The following CACNG6 variants were observed in gnomAD, a reference collection of about 807,000 sequenced individuals.
The protein encoded by CACNG6 is calcium voltage-gated channel auxiliary subunit gamma 6, also known as voltage-dependent calcium channel gamma-6 subunit.
In CACNG6, 21 loss-of-function variants were observed where a neutral mutation model predicts 23.9. The observed-to-expected ratio is 0.88, with a 90% CI of 0.62 to 1.26. The LOEUF (loss-of-function observed/expected upper bound fraction) is 1.26. Ranked by LOEUF, CACNG6 falls within the 50% of genes most tolerant of loss-of-function variation. The pLI is 0.00. For synonymous variants in CACNG6, 182 were observed against 168.9 expected, an observed-to-expected ratio of 1.08 and a Z score of -0.60; for missense variants, 340 against 352.9, an observed-to-expected ratio of 0.96 and a Z score of 0.29.
intron 1 of CACNG6, 84 bp downstream of exon 1, chr19:53,993,292 C>A: frequency 7.3e-7 from 1 of 1,364,716 alleles, no homozygotes; most frequent in Non-Finnish European, 9.7e-7. Flanking sequence ...GAAAACCCGC[C>A]CCAGGGACAA....
intron 3 of CACNG6, among the ~76,000 whole-genome samples, chr19:54,007,201 A>C (rs2069657308): frequency 6.6e-6 from 1 of 152,066 alleles, no homozygotes; most frequent in Non-Finnish European, 1.5e-5. Context: ...CGCATGCACC[A>C]CCACGCCTGG....
At chr19:53,999,112 C>T (rs972049659) in intron 2 of CACNG6, among the ~76,000 whole-genome samples, 1 of 152,120 alleles carries the variant, frequency 6.6e-6, no homozygotes, top group Non-Finnish European at 1.5e-5. Context: ...GTGATCCACC[C>T]ACCTTGGCCT....
At position 54,011,903 on chromosome 19, in the gene CACNG6, C is replaced by G. The variant is rs770260770; in HGVS notation, c.545-48C>G. 2.2e-6 allele frequency: 3 copies of G among 1,336,820 alleles called. No homozygotes were observed. The African/African-American group carries it at 4.5e-5, about 20-fold the overall frequency. The allele number at this position is 1,336,820 out of a possible 1,614,324, so 82.8% of individuals were successfully genotyped here. A position where few individuals can be genotyped will look rare whatever the true frequency, so the allele number is the denominator to read the frequency against. On this transcript the variant is annotated intron_variant, in intron 3 of 3. Transcript: ENST00000252729. ...AGCGGATGGCGGAGATGTTCAGACACAGCTGGGGTCGCGGGCGTCTGACTG... is the reference window on the plus strand; with the variant it reads ...AGCGGATGGCGGAGATGTTCAGACAGAGCTGGGGTCGCGGGCGTCTGACTG...
intron 3 of CACNG6, among the ~76,000 whole-genome samples, chr19:54,002,032 CCTT>C (rs765691394): frequency 6.6e-6 from 1 of 152,036 alleles, no homozygotes; most frequent in Non-Finnish European, 1.5e-5. Context: ...TCAGTTTCCT[CCTT>C]CTCTCCCCTT....
At chr19:54,010,333 A>G (rs1354986492) in intron 3 of CACNG6, among the ~76,000 whole-genome samples, 1 of 151,888 alleles carries the variant, frequency 6.6e-6, no homozygotes, top group Non-Finnish European at 1.5e-5. Flanking sequence ...TATTTTTAGT[A>G]GAGATGGGAT....
intron 3 of CACNG6, among the ~76,000 whole-genome samples, chr19:54,007,979 C>T (rs1388740108): frequency 1.3e-5 from 2 of 152,006 alleles, no homozygotes; most frequent in African/African-American, 2.4e-5. Context: ...TTCCACCTCC[C>T]GTTCTGTAAT....
intron 3 of CACNG6, among the ~76,000 whole-genome samples, chr19:54,002,284 G>GTTTTTTTTTTTTTTTTTT (rs139176353): frequency 4.3e-5 from 5 of 117,422 alleles, no homozygotes; most frequent in Admixed American, 1.8e-4. Context: ...TGTTTTTTTT[G>GTTTTTTTTTTTTTTTTTT]TTTTTTTTTT....
intron 3 of CACNG6, among the ~76,000 whole-genome samples, chr19:54,004,223 C>T (rs372347880): frequency 6.6e-6 from 1 of 151,874 alleles, no homozygotes; most frequent in Admixed American, 6.6e-5. Flanking sequence ...TGCAATGGCA[C>T]GATCTCGACT....
Position 53,992,645 on chromosome 19 carries a change from T to C in CACNG6, c.-233T>C, listed in dbSNP as rs1021585566. On this transcript the variant is annotated 5_prime_UTR_variant, in exon 1 of 4. Coordinates refer to ENST00000252729, the MANE Select transcript of CACNG6 (RefSeq NM_145814.2). This position sits in a 1 kb window ranked among gnomAD's most constrained non-coding sequence, Gnocchi z 4.1. The stretch of plus-strand genomic sequence containing the variant: ...CTTGAGGGCAACCTAGACCCTCCTC[T>C]GAACCCCAGAGGCTTCCCCAGCCCT... The C allele has an allele frequency of 3.3e-4, 116 of 348,070 alleles. 1 individual carries two copies. Among genetic ancestry groups the C allele is most frequent in the Middle Eastern group, 3.0e-3 (4 of 1,350 alleles). 21.6% of individuals were successfully genotyped at this position (348,070 alleles called of 1,614,324 possible).
intron 3 of CACNG6, among the ~76,000 whole-genome samples, chr19:54,011,221 T>TACACAC (rs373872212): frequency 0.23 from 23,378 of 99,558 alleles, 3,413 homozygotes; most frequent in Middle Eastern, 0.34. Flanking sequence ...TATATATATA[T>TACACAC]ATATATACAC....
rs150159351 is a variant in CACNG6, at chr19:54,006,734, T to C, written c.545-5217T>C. On this transcript the variant is annotated intron_variant, in intron 3 of 3. Coordinates refer to ENST00000252729, the MANE Select transcript of CACNG6 (RefSeq NM_145814.2). The stretch of plus-strand genomic sequence containing the variant: ...TTTTTTAGTAGAGAGGGGGTTTCTC[T>C]ATGTTGGCCAGGCTGGTCTCGAACT... 0.013 allele frequency among the ~76,000 whole-genome samples: 2,047 copies of C among 151,916 alleles called. 76 individuals carry two copies. The East Asian group carries it at 0.14, about 11-fold the overall frequency.
At chr19:54,007,856 C>T (rs931345068) in intron 3 of CACNG6, among the ~76,000 whole-genome samples, 5 of 150,214 alleles carry the variant, frequency 3.3e-5, no homozygotes, top group African/African-American at 7.4e-5. Context: ...GCTATGATCG[C>T]GCCACTGCAC....
rs187044076 is a variant in CACNG6, at chr19:53,991,692, G to T, written c.-1186G>T. 0.025 allele frequency among the ~76,000 whole-genome samples: 3,829 copies of T among 151,972 alleles called. 157 individuals carry two copies. The highest frequency in any genetic ancestry group is 0.089 in the African/African-American group (3,669 of 41,370). Reference sequence around the variant, plus strand: ...CGCTTCGGAGGCAGCGCGGAGCTGGGGTCGGCGCGGGGCCGAGGCAGGAGA... The same window carrying T: ...CGCTTCGGAGGCAGCGCGGAGCTGGTGTCGGCGCGGGGCCGAGGCAGGAGA... On this transcript the variant is annotated 5_prime_UTR_variant, in exon 1 of 4. Coordinates refer to ENST00000252729, the MANE Select transcript of CACNG6 (RefSeq NM_145814.2).
chr19:54,000,540 C>A (rs2069565063), intron 3 of CACNG6, among the ~76,000 whole-genome samples: 1 of 152,158 alleles, frequency 6.6e-6, no homozygotes, highest in African/African-American at 2.4e-5. Flanking sequence ...CAAATCCTTA[C>A]AACAGCACTA....
chr19:54,010,510 G>A (rs2069694611), intron 3 of CACNG6, among the ~76,000 whole-genome samples: 1 of 151,914 alleles, frequency 6.6e-6, no homozygotes, highest in Non-Finnish European at 1.5e-5. Context: ...AAAAGTTGTG[G>A]GAAAATGTGC....
In CACNG6 at chr19:54,012,172, G is replaced by A. The variant is rs760644366; in HGVS notation, c.766G>A (p.Gly256Arg). The change falls in exon 4 of 4, where the codon GGG (glycine) becomes AGG (arginine). Residue 256 changes from glycine to arginine, a missense_variant. By Grantham distance (125) the Gly-to-Arg change is moderately radical. Transcript: ENST00000252729. ...CTGGGGGTCCCTCTGTCCCAAGCGG[G>A]GGCACCGGGCCACCTAGAGCCACGC... ...WPWGSLCPKR[G>R]HRAT 1 of 1,427,618 alleles carries A rather than the reference G, an allele frequency of 7.0e-7. No homozygotes were observed. 88.4% of individuals were successfully genotyped at this position (1,427,618 alleles called of 1,614,324 possible).
In CACNG6 at chr19:53,992,916, GCGGCGGGGGGCCGCGGGC is replaced by G. The variant is rs538013052; in HGVS notation, c.46_63del (p.Gly16_Arg21del). 622 of 1,403,864 alleles carry G rather than the reference GCGGCGGGGGGCCGCGGGC, an allele frequency of 4.4e-4. 26 individuals carry two copies. In the South Asian group the frequency reaches 0.011, roughly 25 times the overall value. The allele number at this position is 1,403,864 out of a possible 1,614,324, so 87.0% of individuals were successfully genotyped here. A position where few individuals can be genotyped will look rare whatever the true frequency, so the allele number is the denominator to read the frequency against. ...ACTTCTTCCTGCAAGAGGAGAACCG[GCGGCGGGGGGCCGCGGGC>G]CGGCGGCGGGCGCACGGGCAGGGCA... On this transcript the variant is annotated inframe_deletion, in exon 1 of 4. Coordinates refer to ENST00000252729, the MANE Select transcript of CACNG6 (RefSeq NM_145814.2). The surrounding 1 kb of genome is among the most constrained non-coding windows in gnomAD (Gnocchi z 4.1).
At chr19:53,998,936 C>T (rs1256684393) in intron 2 of CACNG6, among the ~76,000 whole-genome samples, 1 of 152,214 alleles carries the variant, frequency 6.6e-6, no homozygotes, top group East Asian at 1.9e-4. Flanking sequence ...GTACTGACCA[C>T]AGTGCTGGGC....
intron 3 of CACNG6, among the ~76,000 whole-genome samples, chr19:54,009,272 T>G (rs565797994): frequency 2.2e-4 from 34 of 152,086 alleles, no homozygotes; most frequent in African/African-American, 6.5e-4. Context: ...AACACAAAAA[T>G]TAGCCAGGCG....
Sources: allele counts gnomAD v4.1 joint callset (sites outside exome capture counted in the v4.1 genomes callset), GRCh38; gene constraint gnomAD v4.1.1; non-coding constraint Gnocchi (gnomAD v3.1); transcripts MANE v1.5; gene names NCBI Gene and HGNC (gene_info 2026-07-23, HGNC 2026-07-21).